Variants in ABCA13 observed in about 807,000 individuals in gnomAD.
ABCA13 encodes the protein ATP-binding cassette sub-family A member 13.
Under a neutral mutation model 478.7 loss-of-function variants are expected in ABCA13, and 476 were observed. That is an observed-to-expected ratio of 0.99 (90% confidence interval 0.92 to 1.07). The LOEUF (loss-of-function observed/expected upper bound fraction) is 1.07. Ranked by LOEUF, ABCA13 falls within the 50% of genes least tolerant of loss-of-function variation. ABCA13 has a pLI of 0.00. For synonymous variants in ABCA13, 2,252 were observed against 2,158.9 expected, an observed-to-expected ratio of 1.04 and a Z score of -1.20; for missense variants, 6,060 against 5,910.6, an observed-to-expected ratio of 1.03 and a Z score of -0.83.
chr7:48,214,448 G>T (rs989354911), intron 3 of ABCA13, among the ~76,000 whole-genome samples: 1 of 152,192 alleles, frequency 6.6e-6, no homozygotes, highest in African/African-American at 2.4e-5. Context: ...TTGAGACTTT[G>T]AAGGTAGGCA....
intron 41 of ABCA13, among the ~76,000 whole-genome samples, chr7:48,414,673 G>T (rs148474950): frequency 1.6e-3 from 244 of 151,824 alleles, no homozygotes; most frequent in African/African-American, 5.8e-3. Flanking sequence ...TCGTTGTGTT[G>T]CTCAGGCTGG....
chr7:48,412,605 GCTT>G (rs1225474563), intron 41 of ABCA13, 22 bp downstream of exon 41: 16 of 1,570,054 alleles, frequency 1.0e-5, no homozygotes, highest in Non-Finnish European at 1.3e-5. Flanking sequence ...ACTGAAGCGT[GCTT>G]TAATTATTTA....
intron 27 of ABCA13, among the ~76,000 whole-genome samples, chr7:48,333,138 T>G (rs764224546): frequency 9.9e-5 from 15 of 152,284 alleles, no homozygotes; most frequent in African/African-American, 3.6e-4. Context: ...CCTATCAATC[T>G]CCTTTCTCCC....
At chr7:48,332,438 A>T (rs1433524867) in intron 27 of ABCA13, among the ~76,000 whole-genome samples, 2 of 152,220 alleles carry the variant, frequency 1.3e-5, no homozygotes, top group Non-Finnish European at 2.9e-5. Flanking sequence ...ATGGAAATCC[A>T]CTTCGACTTA....
In ABCA13 at chr7:48,219,482, G is replaced by T; in HGVS notation, c.416G>T (p.Trp139Leu). 1 of 1,612,464 alleles carries T rather than the reference G, an allele frequency of 6.2e-7. No homozygotes were observed. The highest frequency in any genetic ancestry group is 8.5e-7 in the Non-Finnish European group (1 of 1,179,300). Residue 139 changes from tryptophan to leucine, a missense_variant, in exon 4 of 62, where the codon TGG becomes TTG. Trp to Leu is a moderately conservative substitution (Grantham distance 61). Transcript: ENST00000435803. Reference sequence around the variant, plus strand: ...AAGGCAAAAAACTTAAAAAGACTTTGGGTAGAACGATCCAACACTCCAGGC... The same window carrying T: ...AAGGCAAAAAACTTAAAAAGACTTTTGGTAGAACGATCCAACACTCCAGGC... Reference protein sequence around the residue: ...MDKAKNLKRLWVERSNTPDSS... With the variant: ...MDKAKNLKRLLVERSNTPDSS...
chr7:48,618,370 A>T (rs1186801717), intron 59 of ABCA13, among the ~76,000 whole-genome samples: 1 of 152,188 alleles, frequency 6.6e-6, no homozygotes, highest in Non-Finnish European at 1.5e-5. Context: ...CTCCTAACAG[A>T]GCATTAACAC....
At chr7:48,610,906 C>T (rs1275593555) in intron 58 of ABCA13, among the ~76,000 whole-genome samples, 4 of 152,158 alleles carry the variant, frequency 2.6e-5, no homozygotes, top group Admixed American at 2.6e-4. Flanking sequence ...ATCATTCTTC[C>T]CTCCTAGGCT....
intron 31 of ABCA13, among the ~76,000 whole-genome samples, chr7:48,358,521 C>T (rs73323784): frequency 0.016 from 2,442 of 152,042 alleles, 103 homozygotes; most frequent in African/African-American, 0.057. Context: ...TTTGCTCTGC[C>T]TCTGGTAAAT....
intron 55 of ABCA13, among the ~76,000 whole-genome samples, chr7:48,545,767 A>G (rs971326710): frequency 3.3e-5 from 5 of 151,654 alleles, no homozygotes; most frequent in African/African-American, 1.2e-4. Context: ...AAAAAGTACT[A>G]AGATTAAAAA....
chr7:48,216,239 C>T (rs921248472), intron 3 of ABCA13, among the ~76,000 whole-genome samples: 4 of 152,186 alleles, frequency 2.6e-5, no homozygotes, highest in East Asian at 1.9e-4. Flanking sequence ...AATTACTCCA[C>T]ATTCTCACCA....
At chr7:48,438,796 A>T (rs996724162) in intron 42 of ABCA13, among the ~76,000 whole-genome samples, 14 of 151,734 alleles carry the variant, frequency 9.2e-5, no homozygotes, top group African/African-American at 3.4e-4. Context: ...TCTTTTTTGG[A>T]AATCTCCTTA....
chr7:48,502,995 T>C (rs1830890144), intron 48 of ABCA13, among the ~76,000 whole-genome samples: 1 of 152,210 alleles, frequency 6.6e-6, no homozygotes, highest in South Asian at 2.1e-4. Context: ...ATCTAATTTC[T>C]CAGCAAATGT....
At chr7:48,617,770 C>T (rs769504005) in intron 59 of ABCA13, among the ~76,000 whole-genome samples, 4 of 152,030 alleles carry the variant, frequency 2.6e-5, no homozygotes, top group South Asian at 2.1e-4. Flanking sequence ...CAAATTCGCC[C>T]GTGACAGGAA....
At chr7:48,183,563 C>T (rs961262531) in intron 1 of ABCA13, among the ~76,000 whole-genome samples, 1 of 152,186 alleles carries the variant, frequency 6.6e-6, no homozygotes, top group Non-Finnish European at 1.5e-5. Flanking sequence ...AGGGCTTGGT[C>T]TTCACATCTG....
chr7:48,645,198 GATTT>G (rs756025113), intron 61 of ABCA13, among the ~76,000 whole-genome samples: 1 of 152,106 alleles, frequency 6.6e-6, no homozygotes, highest in Non-Finnish European at 1.5e-5. Flanking sequence ...ACTTCTAGGT[GATTT>G]ATTATTATAA....
At chr7:48,204,697 C>T (rs888401924) in intron 3 of ABCA13, among the ~76,000 whole-genome samples, 1 of 152,138 alleles carries the variant, frequency 6.6e-6, no homozygotes, top group African/African-American at 2.4e-5. Context: ...TTTTGTATTC[C>T]CCATCTGTCC....
chr7:48,338,467 G>A lies in ABCA13; in HGVS notation c.10204+12G>A. The A allele has an allele frequency of 1.3e-6, 2 of 1,574,158 alleles. No homozygotes were observed. The highest frequency in any genetic ancestry group is 1.7e-6 in the Non-Finnish European group (2 of 1,158,258). On this transcript the variant is annotated intron_variant, in intron 29 of 61. Transcript: ENST00000435803. ...ACTCCAGACATACGGTAAGTGTGCT[G>A]ATGGGCATGGTAGTGTTCTTCTGCC...
chr7:48,442,165 C>G (rs1823694046), intron 42 of ABCA13, among the ~76,000 whole-genome samples: 1 of 152,212 alleles, frequency 6.6e-6, no homozygotes, highest in South Asian at 2.1e-4. Context: ...GAGGAATCAA[C>G]CAGTCAAACT....
chr7:48,367,861 A>C lies in ABCA13; in HGVS notation c.10756A>C (p.Ser3586Arg). The C allele has an allele frequency of 6.3e-7, 1 of 1,582,856 alleles. No homozygotes were observed. Among genetic ancestry groups the C allele is most frequent in the Non-Finnish European group, 8.6e-7 (1 of 1,163,434 alleles). ...MMLTWMVSVA[S>R]MVRKLVYEQE... ...GCTGACGTGGATGGTGTCTGTGGCC[A>C]GCATGGTCAGAAAGTTGGTGTATGA... Residue 3586 changes from serine to arginine, a missense_variant, in exon 32 of 62, where the codon AGC becomes CGC. Ser to Arg is a moderately radical substitution (Grantham distance 110). Coordinates refer to ENST00000435803, the MANE Select transcript of ABCA13 (RefSeq NM_152701.5).
Sources: allele counts gnomAD v4.1 joint callset (sites outside exome capture counted in the v4.1 genomes callset), GRCh38; gene constraint gnomAD v4.1.1; transcripts MANE v1.5; gene names NCBI Gene and HGNC (gene_info 2026-07-23, HGNC 2026-07-21).